The following TEX11 variants were observed in gnomAD, a reference collection of about 807,000 sequenced individuals.
TEX11 encodes testis-expressed protein 11.
TEX11 carries 7 observed loss-of-function variants against 84.4 expected under a neutral mutation model. That is an observed-to-expected ratio of 0.08 (90% CI 0.05 to 0.16). The LOEUF is 0.16. Ranked by LOEUF, TEX11 falls within the 10% of genes least tolerant of loss-of-function variation. The pLI, the probability that TEX11 is intolerant of heterozygous loss-of-function variation, is 1.00. For synonymous variants in TEX11, 264 were observed against 222.8 expected (o/e 1.18, Z -1.64); for missense variants, 551 against 660.5 (o/e 0.83, Z 1.82).
At chrX:70,874,470 C>T (rs1015653662) in intron 3 of TEX11, among the ~76,000 whole-genome samples, 2 of 92,224 alleles carry the variant, frequency 2.2e-5, no homozygotes, top group Non-Finnish European at 2.1e-5. Flanking sequence ...GGCGTGATCT[C>T]GGCTCACTGC....
At chrX:70,833,646 C>CAT in intron 7 of TEX11, 53 bp from the exon 8 acceptor site, 2 of 990,599 alleles carry the variant, frequency 2.0e-6, no homozygotes, top group Non-Finnish European at 2.8e-6. Flanking sequence ...GGTTATTTGT[C>CAT]TCTAAGTCAA....
chrX:70,657,760 T>A lies in TEX11; in HGVS notation c.1381-6208A>T, dbSNP rs887333302. On this transcript the variant is annotated intron_variant, in intron 16 of 29. Transcript: ENST00000374333. ...CTATGCAGCCATAAAAAAGGATGAG[T>A]TCATGTCCTTTGTAGGTACATGGAT... Among the ~76,000 whole-genome samples the A allele has an allele frequency of 5.6e-5, 6 of 107,522 alleles. No individual in the cohort carries two copies. The Admixed American group carries it at 6.0e-4, about 11-fold the overall frequency. 93.4% of individuals were successfully genotyped at this position (107,522 alleles called of 115,157 possible). A position where few individuals can be genotyped will look rare whatever the true frequency, so the allele number is the denominator to read the frequency against.
the TEX11 span, among the ~76,000 whole-genome samples, chrX:70,518,702 C>T: frequency 9.0e-6 from 1 of 111,339 alleles, no homozygotes; most frequent in Non-Finnish European, 1.9e-5. Context: ...ATTGATCTGT[C>T]TAATATTTAC....
rs1027046276 is a variant in TEX11 at position 70,840,821 on chromosome X, G to C, written c.526-7228C>G. The stretch of plus-strand genomic sequence containing the variant: ...AAATGGAAAACAAACAAAGGCAGGG[G>C]TTGCAATCCTAGTCTCTGCTAAAAC... On this transcript the variant is annotated intron_variant, in intron 7 of 29. Transcript: ENST00000374333. Among the ~76,000 whole-genome samples, 130 of 111,410 alleles carry C rather than the reference G, an allele frequency of 1.2e-3. 2 individuals are homozygous for C. Among genetic ancestry groups the C allele is most frequent in the Non-Finnish European group, 8.7e-4 (46 of 53,076 alleles).
chrX:70,589,319 T>C (rs1460489955), intron 25 of TEX11, among the ~76,000 whole-genome samples: 1 of 109,599 alleles, frequency 9.1e-6, no homozygotes, highest in African/African-American at 3.3e-5. Context: ...AGTCTATATA[T>C]AAACTATATA....
chrX:70,633,867 G>A lies in TEX11; in HGVS notation c.1484-4132C>T, dbSNP rs190403635. Among the ~76,000 whole-genome samples, 47 of 111,676 alleles carry A rather than the reference G, an allele frequency of 4.2e-4. No homozygotes were observed. In the East Asian group the frequency reaches 7.9e-3, roughly 19 times the overall value. ...CAGGAGGTGGAGGTTGCAGTGAGCC[G>A]AGATCATGCCACCGCACTCCAGCCT... On this transcript the variant is annotated intron_variant, in intron 17 of 29. Coordinates refer to ENST00000374333, the MANE Select transcript of TEX11 (RefSeq NM_031276.3).
Position 70,772,910 on chromosome X carries a change from C to CA in TEX11, c.693-28692dup, listed in dbSNP as rs201258203. On this transcript the variant is annotated intron_variant, in intron 9 of 29. Coordinates refer to ENST00000374333, the MANE Select transcript of TEX11 (RefSeq NM_031276.3). ...TCTGAAGCAGAATAATCAGCAAACT[C>CA]AAAGACAGGCCATTTGAAATTACCC... Among the ~76,000 whole-genome samples, 98 of 110,174 alleles carry CA rather than the reference C, an allele frequency of 8.9e-4. 1 individual carries two copies. The highest frequency in any genetic ancestry group is 4.0e-3 in the East Asian group (14 of 3,487).
chrX:70,730,681 T>C (rs1372611795), intron 11 of TEX11, among the ~76,000 whole-genome samples: 2 of 111,636 alleles, frequency 1.8e-5, no homozygotes, highest in African/African-American at 6.5e-5. Flanking sequence ...CAAAGAGACG[T>C]AGACTCCCAC....
intron 8 of TEX11, among the ~76,000 whole-genome samples, chrX:70,812,641 A>C (rs1187095236): frequency 1.8e-5 from 2 of 111,430 alleles, no homozygotes; most frequent in Non-Finnish European, 3.8e-5. Flanking sequence ...CCCTTCAAAA[A>C]ATTAATGAAT....
At chrX:70,749,986 A>G (rs2090801785) in intron 9 of TEX11, among the ~76,000 whole-genome samples, 1 of 110,976 alleles carries the variant, frequency 9.0e-6, no homozygotes, top group Admixed American at 9.7e-5. Flanking sequence ...TGAACAGGCA[A>G]CCTACAAAAT....
intron 13 of TEX11, among the ~76,000 whole-genome samples, chrX:70,693,253 T>A (rs2090252186): frequency 1.8e-5 from 2 of 110,292 alleles, no homozygotes; most frequent in East Asian, 2.8e-4. Context: ...AAAAAAAAAA[T>A]TCCAACTTTT....
At chrX:70,828,663 G>C (rs957149083) in intron 8 of TEX11, among the ~76,000 whole-genome samples, 21 of 110,111 alleles carry the variant, frequency 1.9e-4, no homozygotes, top group African/African-American at 6.9e-4. Flanking sequence ...AGAGCTATGG[G>C]TAAGAAGTTT....
At chrX:70,522,279 A>C in the TEX11 span, among the ~76,000 whole-genome samples, 5 of 111,931 alleles carry the variant, frequency 4.5e-5, no homozygotes, top group Admixed American at 9.5e-5. Context: ...GAAGAGAGAG[A>C]GTGAAAGAAG....
At chrX:70,519,213 G>T in the TEX11 span, among the ~76,000 whole-genome samples, 7 of 111,861 alleles carry the variant, frequency 6.3e-5, no homozygotes, top group Admixed American at 3.8e-4. Context: ...AGCATCGATG[G>T]TCTTTACAAT....
chrX:70,612,139 A>G, intron 20 of TEX11, among the ~76,000 whole-genome samples: 1 of 108,262 alleles, frequency 9.2e-6, no homozygotes, highest in Non-Finnish European at 1.9e-5. Context: ...CACCATCTCA[A>G]TAATAATAAT....
chrX:70,750,939 TA>T (rs2090817912), intron 9 of TEX11, among the ~76,000 whole-genome samples: 1 of 57,715 alleles, frequency 1.7e-5, no homozygotes, highest in Non-Finnish European at 3.0e-5. Flanking sequence ...AAAAAATATA[TA>T]TATATATATA....
chrX:70,623,631 G>A (rs73220867), intron 20 of TEX11, among the ~76,000 whole-genome samples: 12,466 of 111,405 alleles, frequency 0.11, 591 homozygotes, highest in Middle Eastern at 0.18. Flanking sequence ...TTATACTCTC[G>A]TTTCTCTGCA....
At chrX:70,739,382 C>T (rs2090718819) in intron 11 of TEX11, among the ~76,000 whole-genome samples, 1 of 105,788 alleles carries the variant, frequency 9.5e-6, no homozygotes, top group Non-Finnish European at 1.9e-5. Context: ...CACATTGATC[C>T]TAATTGAATC....
chrX:70,813,887 T>A (rs1263337119), intron 8 of TEX11, among the ~76,000 whole-genome samples: 3 of 111,384 alleles, frequency 2.7e-5, no homozygotes, highest in Non-Finnish European at 5.7e-5. Context: ...GAATCCAACT[T>A]ACAAGGGATG....
Sources: allele counts gnomAD v4.1 joint callset (sites outside exome capture counted in the v4.1 genomes callset), GRCh38; gene constraint gnomAD v4.1.1; transcripts MANE v1.5; gene names NCBI Gene and HGNC (gene_info 2026-07-23, HGNC 2026-07-21).